Variants in AGBL4 observed in about 807,000 individuals in gnomAD.
AGBL4 encodes the protein AGBL carboxypeptidase 4.
AGBL4 carries 58 observed loss-of-function variants against 66.4 expected under a neutral mutation model. The ratio of observed to expected loss-of-function variants is 0.87; its 90% CI spans 0.71 to 1.09. The LOEUF (loss-of-function observed/expected upper bound fraction) is 1.09, where lower values mean the gene tolerates loss of function less well. Ranked by LOEUF, AGBL4 falls within the 50% of genes least tolerant of loss-of-function variation. The pLI is 0.00. For missense variants in AGBL4, 579 were observed against 631.0 expected (o/e 0.92, Z 0.88); for synonymous variants, 234 against 222.9 (o/e 1.05, Z -0.44).
intron 4 of AGBL4, among the ~76,000 whole-genome samples, chr1:49,122,662 T>A (rs1478287158): frequency 6.6e-6 from 1 of 152,226 alleles, no homozygotes; most frequent in African/African-American, 2.4e-5. Flanking sequence ...CTCCCTCTTT[T>A]ACTAAATCCA....
At chr1:49,772,944 C>T (rs1009229597) in intron 2 of AGBL4, among the ~76,000 whole-genome samples, 3 of 152,034 alleles carry the variant, frequency 2.0e-5, no homozygotes, top group African/African-American at 4.8e-5. Context: ...TATCTCTCTC[C>T]ATTTCTTCTT....
chr1:49,793,315 T>G (rs968744790), intron 2 of AGBL4, among the ~76,000 whole-genome samples: 1 of 152,024 alleles, frequency 6.6e-6, no homozygotes, highest in South Asian at 2.1e-4. Context: ...CAGAATAGCA[T>G]AGTGGGTGCT....
At chr1:48,573,093 C>T (rs938647512) in intron 11 of AGBL4, among the ~76,000 whole-genome samples, 5 of 152,214 alleles carry the variant, frequency 3.3e-5, no homozygotes, top group Non-Finnish European at 7.3e-5. Context: ...AGGCCCTGCC[C>T]CTGCCCCTTC....
chr1:49,394,124 A>C (rs1327918929), intron 3 of AGBL4, among the ~76,000 whole-genome samples: 1 of 146,122 alleles, frequency 6.8e-6, no homozygotes, highest in Non-Finnish European at 1.5e-5. Context: ...CACTGACATT[A>C]AAAAAAAAAA....
chr1:49,656,046 C>G (rs1378641677), intron 3 of AGBL4, among the ~76,000 whole-genome samples: 1 of 151,874 alleles, frequency 6.6e-6, no homozygotes, highest in Non-Finnish European at 1.5e-5. Context: ...ACTGGGGAGG[C>G]TGAGGCAGGA....
At chr1:48,812,015 G>A (rs1376529829) in intron 6 of AGBL4, among the ~76,000 whole-genome samples, 2 of 152,170 alleles carry the variant, frequency 1.3e-5, no homozygotes, top group African/African-American at 2.4e-5. Context: ...ACTCAGGAAG[G>A]TCCATCCAGA....
At chr1:49,677,894 T>C (rs934050673) in intron 3 of AGBL4, among the ~76,000 whole-genome samples, 3 of 152,148 alleles carry the variant, frequency 2.0e-5, no homozygotes, top group African/African-American at 7.2e-5. Flanking sequence ...AACTTAACTA[T>C]GCTGGCACCC....
intron 2 of AGBL4, among the ~76,000 whole-genome samples, chr1:49,779,765 T>A (rs928427337): frequency 6.6e-6 from 1 of 152,050 alleles, no homozygotes; most frequent in Non-Finnish European, 1.5e-5. Context: ...TAATTGCCTG[T>A]AGTTGGGCCA....
chr1:48,606,193 CTTT>C (rs11358754), intron 9 of AGBL4, among the ~76,000 whole-genome samples: 1 of 149,310 alleles, frequency 6.7e-6, no homozygotes, highest in African/African-American at 2.5e-5. Flanking sequence ...TGTGCTTGGG[CTTT>C]TTTTTTTTCC....
At chr1:48,966,048 C>T (rs575230767) in intron 5 of AGBL4, among the ~76,000 whole-genome samples, 2 of 152,072 alleles carry the variant, frequency 1.3e-5, no homozygotes, top group Non-Finnish European at 2.9e-5. Context: ...ATGCTCTCAC[C>T]CTCATTTTTC....
At chr1:49,777,132 A>G (rs1291723353) in intron 2 of AGBL4, among the ~76,000 whole-genome samples, 1 of 152,182 alleles carries the variant, frequency 6.6e-6, no homozygotes, top group African/African-American at 2.4e-5. Flanking sequence ...AAGCTGAGAA[A>G]TAAGTCATAA....
chr1:49,048,209 T>C (rs148995075), intron 4 of AGBL4: 1 of 152,206 alleles, frequency 6.6e-6, no homozygotes, highest in East Asian at 1.9e-4. Flanking sequence ...AGTCATAAGG[T>C]CTCAGATTAT....
At chr1:49,923,340 G>T (rs562053770) in intron 1 of AGBL4, among the ~76,000 whole-genome samples, 1 of 152,202 alleles carries the variant, frequency 6.6e-6, no homozygotes, top group South Asian at 2.1e-4. Flanking sequence ...AGACTTAAAT[G>T]TAAAACCTAA....
At chr1:49,448,547 T>G (rs1646209215) in intron 3 of AGBL4, among the ~76,000 whole-genome samples, 1 of 152,112 alleles carries the variant, frequency 6.6e-6, no homozygotes, top group Non-Finnish European at 1.5e-5. Context: ...GGGACCATAA[T>G]AGGTCAGGCC....
chr1:48,917,804 C>G (rs938857883), intron 5 of AGBL4, among the ~76,000 whole-genome samples: 1 of 152,312 alleles, frequency 6.6e-6, no homozygotes, highest in East Asian at 1.9e-4. Context: ...CTGGTTGAAA[C>G]AGATTTGTCC....
At chr1:49,600,395 G>C (rs570369286) in intron 3 of AGBL4, among the ~76,000 whole-genome samples, 1 of 152,176 alleles carries the variant, frequency 6.6e-6, no homozygotes, top group Non-Finnish European at 1.5e-5. Flanking sequence ...GATCTTTGTT[G>C]GTTTAAAGTC....
chr1:49,789,608 C>T (rs865951232), intron 2 of AGBL4, among the ~76,000 whole-genome samples: 4 of 152,158 alleles, frequency 2.6e-5, no homozygotes, highest in African/African-American at 9.6e-5. Context: ...AATAAAATAC[C>T]TAGGAATACA....
intron 3 of AGBL4, among the ~76,000 whole-genome samples, chr1:49,390,338 G>T (rs1644819921): frequency 6.6e-6 from 1 of 152,200 alleles, no homozygotes; most frequent in African/African-American, 2.4e-5. Flanking sequence ...AAATGGCCCT[G>T]TGTTCTTGGC....
rs200152685 is a variant in AGBL4 at position 49,946,735 on chromosome 1, CA to C, written c.34+77027del. ...CAGAACTAAATAAAATTAAAACAAA[CA>C]AAAAAATATAAAAGATAAATGAAAC... On this transcript the variant is annotated intron_variant, in intron 1 of 13. Coordinates refer to ENST00000371839, the MANE Select transcript of AGBL4 (RefSeq NM_032785.4). Among the ~76,000 whole-genome samples, 249 of 151,016 alleles carry C rather than the reference CA, an allele frequency of 1.6e-3. 3 individuals carry two copies. The highest frequency in any genetic ancestry group is 0.016 in the Admixed American group (238 of 15,156).
Sources: allele counts gnomAD v4.1 joint callset (sites outside exome capture counted in the v4.1 genomes callset), GRCh38; gene constraint gnomAD v4.1.1; transcripts MANE v1.5; gene names NCBI Gene and HGNC (gene_info 2026-07-23, HGNC 2026-07-21).